The following SLCO1B3 variants were observed in gnomAD, a reference collection of about 807,000 sequenced individuals.
SLCO1B3 encodes the protein solute carrier organic anion transporter family member 1B3.
Under a neutral mutation model 71.8 loss-of-function variants are expected in SLCO1B3, and 72 were observed. That is an observed-to-expected ratio of 1.00 (90% CI 0.83 to 1.22). The LOEUF (loss-of-function observed/expected upper bound fraction) is 1.22, where lower values mean the gene tolerates loss of function less well. Among genes scored for constraint, SLCO1B3 ranks in the 50% most tolerant of loss-of-function variants. SLCO1B3 has a pLI of 0.00. For synonymous variants in SLCO1B3, 298 were observed against 278.4 expected, an observed-to-expected ratio of 1.07 and a Z score of -0.70; for missense variants, 911 against 819.7, an observed-to-expected ratio of 1.11 and a Z score of -1.36.
At chr12:20,855,901 C>A (rs1175451682) in intron 4 of SLCO1B3, among the ~76,000 whole-genome samples, 1 of 151,854 alleles carries the variant, frequency 6.6e-6, no homozygotes, top group Non-Finnish European at 1.5e-5. Context: ...TTGGAGGGAC[C>A]ACCAAATTGT....
At chr12:20,874,011 G>A (rs1288114854) in intron 8 of SLCO1B3, among the ~76,000 whole-genome samples, 1 of 152,094 alleles carries the variant, frequency 6.6e-6, no homozygotes. Context: ...TATCATTGAT[G>A]GGTATTTGGG....
At chr12:20,858,634 T>A in intron 5 of SLCO1B3, 63 bp downstream of exon 5, 1 of 1,483,464 alleles carries the variant, frequency 6.7e-7, no homozygotes, top group South Asian at 1.2e-5. Context: ...AGTAGAATTT[T>A]ATTTTTATAC....
intron 8 of SLCO1B3, among the ~76,000 whole-genome samples, chr12:20,870,898 G>A (rs1865462750): frequency 6.6e-6 from 1 of 152,118 alleles, no homozygotes; most frequent in Non-Finnish European, 1.5e-5. Flanking sequence ...ATTATGAAGG[G>A]ATGTTGAATT....
chr12:20,897,064 G>A (rs1298838558), intron 13 of SLCO1B3, among the ~76,000 whole-genome samples: 7 of 152,106 alleles, frequency 4.6e-5, no homozygotes, highest in Non-Finnish European at 1.0e-4. Context: ...CCCACAACAC[G>A]TGGGTATTAT....
intron 8 of SLCO1B3, among the ~76,000 whole-genome samples, chr12:20,873,317 C>A (rs778085151): frequency 6.6e-6 from 1 of 151,730 alleles, no homozygotes; most frequent in African/African-American, 2.4e-5. Context: ...CTTTGTTTCC[C>A]CATGGAGGAG....
chr12:20,875,561 C>A, intron 9 of SLCO1B3, 84 bp downstream of exon 9: 1 of 1,356,962 alleles, frequency 7.4e-7, no homozygotes, highest in Non-Finnish European at 1.0e-6. Flanking sequence ...AAAGCATACT[C>A]AAATCATCTA....
At chr12:20,873,493 G>A (rs866188792) in intron 8 of SLCO1B3, among the ~76,000 whole-genome samples, 28 of 152,212 alleles carry the variant, frequency 1.8e-4, no homozygotes, top group African/African-American at 5.1e-4. Context: ...TCAGTACTTC[G>A]AGACAGATGA....
intron 8 of SLCO1B3, among the ~76,000 whole-genome samples, chr12:20,874,815 A>T (rs1470722322): frequency 1.3e-5 from 2 of 152,104 alleles, no homozygotes; most frequent in Non-Finnish European, 1.5e-5. Flanking sequence ...ATTTTTTGCC[A>T]GCTGCTTAAA....
chr12:20,855,054 C>T lies in SLCO1B3; in HGVS notation c.111C>T (p.Ser37=), dbSNP rs773321155. 6.2e-7 allele frequency: 1 copy of T among 1,611,946 alleles called. No homozygotes were observed. The highest frequency in any genetic ancestry group is 8.5e-7 in the Non-Finnish European group (1 of 1,179,708). ...TGTTCTTGGCAGCCCTGTCATTCAG[C>T]TATATTGCTAAAGCACTAGGTGGAA... ...FKMFLAALSF[S]YIAKALGGII... is the part of the protein sequence containing the mutation. The change falls in exon 4 of 16, where the codon AGC becomes AGT. Residue 37 remains serine (S), a synonymous_variant. Transcript: ENST00000381545.
intron 5 of SLCO1B3, among the ~76,000 whole-genome samples, chr12:20,859,718 C>G (rs1322478291): frequency 6.6e-6 from 1 of 151,910 alleles, no homozygotes; most frequent in Non-Finnish European, 1.5e-5. Flanking sequence ...ATGCAACTAC[C>G]CCAGCTTCAT....
At chr12:20,861,281 T>A in intron 6 of SLCO1B3, 143 bp downstream of exon 6, 1 of 682,162 alleles carries the variant, frequency 1.5e-6, no homozygotes, top group Non-Finnish European at 2.3e-6. Flanking sequence ...AAAATCATAC[T>A]GTTAATGTAT....
chr12:20,833,337 G>C (rs902962106), intron 3 of SLCO1B3, among the ~76,000 whole-genome samples: 10 of 151,062 alleles, frequency 6.6e-5, no homozygotes, highest in Non-Finnish European at 1.3e-4. Context: ...TGTCTTTAAG[G>C]GTCATTACTC....
At position 20,848,292 on chromosome 12, in the gene SLCO1B3, C is replaced by T. The variant is rs555915881; in HGVS notation, c.85-6736C>T. On this transcript the variant is annotated intron_variant, in intron 3 of 15. Transcript: ENST00000381545. ...CAATTCAAACAATGAGCTTTCATTA[C>T]ATACTTATTAGAGTGAGTAACATTC... Among the ~76,000 whole-genome samples the T allele has an allele frequency of 2.0e-5, 3 of 152,274 alleles. No individual in the cohort carries two copies. In the South Asian group the frequency reaches 6.2e-4, roughly 32 times the overall value.
intron 3 of SLCO1B3, among the ~76,000 whole-genome samples, chr12:20,832,409 C>G (rs765425151): frequency 2.0e-5 from 3 of 152,074 alleles, no homozygotes; most frequent in Non-Finnish European, 4.4e-5. Context: ...GTGTATACTT[C>G]TTCATTACAC....
chr12:20,901,232 G>A, intron 14 of SLCO1B3, 118 bp from the exon 15 acceptor site: 1 of 700,042 alleles, frequency 1.4e-6, no homozygotes, highest in Admixed American at 2.8e-5. Flanking sequence ...CCAAACCAAT[G>A]GAATAATTTT....
intron 9 of SLCO1B3, 93 bp downstream of exon 9, chr12:20,875,570 T>A: frequency 1.6e-6 from 2 of 1,284,682 alleles, no homozygotes; most frequent in Non-Finnish European, 2.1e-6. Context: ...TCAAATCATC[T>A]AGAGTCAGCT....
chr12:20,817,632 G>T (rs567350562), intron 3 of SLCO1B3, among the ~76,000 whole-genome samples: 2 of 152,044 alleles, frequency 1.3e-5, no homozygotes, highest in Admixed American at 1.3e-4. Flanking sequence ...CTGTCACCCA[G>T]GCTGGAGTGC....
chr12:20,866,897 GA>G (rs1314224402), intron 8 of SLCO1B3, among the ~76,000 whole-genome samples: 1 of 152,098 alleles, frequency 6.6e-6, no homozygotes, highest in African/African-American at 2.4e-5. Context: ...CCTTGAAGGG[GA>G]AATAGTAAAA....
intron 15 of SLCO1B3, among the ~76,000 whole-genome samples, chr12:20,905,066 A>G (rs1451959730): frequency 6.6e-6 from 1 of 152,086 alleles, no homozygotes; most frequent in Non-Finnish European, 1.5e-5. Context: ...CATAAGCCCA[A>G]CACCATGTGA....
Sources: gnomAD v4.1 joint callset for allele counts (sites outside exome capture counted in the v4.1 genomes callset) on GRCh38, gnomAD v4.1.1 for gene constraint, MANE v1.5 for transcripts, NCBI Gene and HGNC (gene_info 2026-07-23, HGNC 2026-07-21) for gene names.